Variants in DGKG observed in about 807,000 individuals in gnomAD.
The protein encoded by DGKG is DAG kinase gamma.
Under a neutral mutation model 105.3 loss-of-function variants are expected in DGKG, and 78 were observed. The observed-to-expected ratio is 0.74, with a 90% CI of 0.62 to 0.89. DGKG has a LOEUF of 0.89. Ranked by LOEUF, DGKG falls within the 40% of genes least tolerant of loss-of-function variation. The pLI, the probability that DGKG is intolerant of heterozygous loss-of-function variation, is 0.00. For missense variants in DGKG, 958 were observed against 1,020.1 expected (o/e 0.94, Z 0.83); for synonymous variants, 346 against 367.1 (o/e 0.94, Z 0.66).
At chr3:186,316,396 T>C (rs1398075526) in intron 2 of DGKG, among the ~76,000 whole-genome samples, 10 of 152,266 alleles carry the variant, frequency 6.6e-5, no homozygotes, top group Non-Finnish European at 1.5e-5. Context: ...TATATATGTA[T>C]ATGTGCTTGC....
intron 23 of DGKG, among the ~76,000 whole-genome samples, chr3:186,164,588 T>C (rs775947376): frequency 6.6e-6 from 1 of 152,222 alleles, no homozygotes; most frequent in Non-Finnish European, 1.5e-5. Flanking sequence ...TTTGCAAATA[T>C]AAAAACACCA....
chr3:186,275,184 T>G (rs942128976), intron 10 of DGKG, among the ~76,000 whole-genome samples: 1 of 152,198 alleles, frequency 6.6e-6, no homozygotes, highest in African/African-American at 2.4e-5. Context: ...TGGCCCCAAA[T>G]GCTTATTAAT....
chr3:186,178,505 G>A (rs572499785), intron 22 of DGKG, among the ~76,000 whole-genome samples: 23 of 152,172 alleles, frequency 1.5e-4, no homozygotes, highest in Non-Finnish European at 3.2e-4. Context: ...TGGCTCTGTG[G>A]TTCTATTTTG....
chr3:186,229,635 T>C (rs1720042550), intron 20 of DGKG, among the ~76,000 whole-genome samples: 1 of 152,196 alleles, frequency 6.6e-6, no homozygotes, highest in Admixed American at 6.5e-5. Flanking sequence ...CCCAGGACAC[T>C]GATATAGTTG....
At chr3:186,335,846 A>G (rs1353706119) in intron 1 of DGKG, among the ~76,000 whole-genome samples, 1 of 152,206 alleles carries the variant, frequency 6.6e-6, no homozygotes, top group African/African-American at 2.4e-5. Flanking sequence ...TTGTGGCAGC[A>G]CTGTTTAAAA....
At chr3:186,296,668 ACCACTGTG>A (rs1414658464) in intron 5 of DGKG, among the ~76,000 whole-genome samples, 1 of 152,184 alleles carries the variant, frequency 6.6e-6, no homozygotes, top group Non-Finnish European at 1.5e-5. Flanking sequence ...CACCACCAGG[ACCACTGTG>A]TCCTCTCTCT....
chr3:186,269,028 T>C (rs946948078), intron 11 of DGKG, 111 bp from the exon 12 acceptor site: 1 of 721,992 alleles, frequency 1.4e-6, no homozygotes, highest in Non-Finnish European at 2.4e-6. Flanking sequence ...AGAGGGACTG[T>C]TTCCTATTTA....
rs552772837 is a variant in DGKG at position 186,269,149 on chromosome 3, T to A, written c.1000-232A>T. 2.8e-4 allele frequency among the ~76,000 whole-genome samples: 43 copies of A among 152,358 alleles called. 1 individual carries two copies. The South Asian group carries it at 8.9e-3, about 32-fold the overall frequency. Reference sequence around the variant, plus strand: ...AGATTAAAAGCTCGCTTTGCCACATTTTGAACAGCTCAATCGCCCTGGAAG... The same window carrying A: ...AGATTAAAAGCTCGCTTTGCCACATATTGAACAGCTCAATCGCCCTGGAAG... On this transcript the variant is annotated intron_variant, in intron 11 of 24. Coordinates refer to ENST00000265022, the MANE Select transcript of DGKG (RefSeq NM_001346.3).
At chr3:186,156,645 T>A (rs1433483939) in intron 24 of DGKG, among the ~76,000 whole-genome samples, 1 of 152,046 alleles carries the variant, frequency 6.6e-6, no homozygotes, top group African/African-American at 2.4e-5. Flanking sequence ...GAACATGGGA[T>A]GTTCTGTGTT....
intron 1 of DGKG, among the ~76,000 whole-genome samples, chr3:186,337,370 A>G (rs1389299286): frequency 6.6e-6 from 1 of 152,126 alleles, no homozygotes; most frequent in African/African-American, 2.4e-5. Context: ...ATATATGTAG[A>G]AAAAAATTAA....
intron 22 of DGKG, among the ~76,000 whole-genome samples, chr3:186,181,132 C>T (rs886857718): frequency 6.6e-6 from 1 of 152,202 alleles, no homozygotes; most frequent in Non-Finnish European, 1.5e-5. Flanking sequence ...TAGTACTTAG[C>T]ATAGTTCCTA....
In DGKG at chr3:186,148,498, T is replaced by A; in HGVS notation, c.*1592A>T. 1.0e-6 allele frequency: 1 copy of A among 985,468 alleles called. No individual in the cohort carries two copies. Among genetic ancestry groups the A allele is most frequent in the Non-Finnish European group, 1.2e-6 (1 of 829,960 alleles). 61.0% of individuals were successfully genotyped at this position (985,468 alleles called of 1,614,324 possible). On this transcript the variant is annotated 3_prime_UTR_variant, in exon 25 of 25. Transcript: ENST00000265022. Reference sequence around the variant, plus strand: ...TGTGTGGGGATATCCCATCCACGCATGTGCTGTACGTTTGTTCCTCCCTGG... The same window carrying A: ...TGTGTGGGGATATCCCATCCACGCAAGTGCTGTACGTTTGTTCCTCCCTGG...
chr3:186,302,504 ATACATATGTG>A (rs1400366565), intron 3 of DGKG, among the ~76,000 whole-genome samples: 3 of 8,242 alleles, frequency 3.6e-4, no homozygotes, highest in African/African-American at 1.9e-3. Context: ...ATATATATAT[ATACATATGTG>A]TATATATATA....
chr3:186,158,466 T>G (rs998102858), intron 24 of DGKG: 12 of 970,638 alleles, frequency 1.2e-5, no homozygotes, highest in Non-Finnish European at 1.5e-5. Flanking sequence ...AAATTTTGTT[T>G]ATTCACTTAA....
At chr3:186,341,673 G>GT (rs1025524361) in intron 1 of DGKG, among the ~76,000 whole-genome samples, 15 of 152,028 alleles carry the variant, frequency 9.9e-5, no homozygotes, top group African/African-American at 2.9e-4. Context: ...GGGGTTGTTT[G>GT]TTTTTTTCTT....
At chr3:186,271,957 CA>C (rs1722336748) in intron 11 of DGKG, among the ~76,000 whole-genome samples, 1 of 152,224 alleles carries the variant, frequency 6.6e-6, no homozygotes, top group African/African-American at 2.4e-5. Flanking sequence ...GCACACATCT[CA>C]CTATTCTGTT....
chr3:186,191,591 C>A (rs1326567066), intron 21 of DGKG, among the ~76,000 whole-genome samples: 2 of 152,210 alleles, frequency 1.3e-5, no homozygotes, highest in East Asian at 3.8e-4. Flanking sequence ...AGTTTAAGGC[C>A]ACTCTCTTTG....
chr3:186,334,090 C>G (rs1725718385), intron 1 of DGKG, among the ~76,000 whole-genome samples: 1 of 152,142 alleles, frequency 6.6e-6, no homozygotes, highest in African/African-American at 2.4e-5. Flanking sequence ...TCCTTTTCCT[C>G]ATCCCCTTTT....
intron 2 of DGKG, among the ~76,000 whole-genome samples, chr3:186,316,763 TA>T (rs1480260357): frequency 6.6e-6 from 1 of 152,238 alleles, no homozygotes; most frequent in Non-Finnish European, 1.5e-5. Flanking sequence ...TCCTACCTGG[TA>T]ACCCCACTGG....
Sources: gnomAD v4.1 joint callset for allele counts (sites outside exome capture counted in the v4.1 genomes callset) on GRCh38, gnomAD v4.1.1 for gene constraint, MANE v1.5 for transcripts, NCBI Gene and HGNC (gene_info 2026-07-23, HGNC 2026-07-21) for gene names.